Variants in LINGO2 observed in about 807,000 individuals in gnomAD.
LINGO2 encodes leucine rich repeat and Ig domain containing 2, also known as leucine-rich repeat and immunoglobulin-like domain-containing nogo receptor-interacting protein 2.
A neutral mutation model predicts 30.6 loss-of-function variants in LINGO2; 14 were observed. The ratio of observed to expected loss-of-function variants is 0.46; its 90% CI spans 0.30 to 0.72. The LOEUF is 0.72. LINGO2 is among the 30% of genes least tolerant of loss of function. The pLI is 0.07. For missense variants in LINGO2, 729 were observed against 751.7 expected, an observed-to-expected ratio of 0.97 and a Z score of 0.35; for synonymous variants, 317 against 288.5, an observed-to-expected ratio of 1.10 and a Z score of -1.00.
chr9:28,901,806 AC>A, the LINGO2 span, among the ~76,000 whole-genome samples: 1 of 152,106 alleles, frequency 6.6e-6, no homozygotes, highest in Non-Finnish European at 1.5e-5. Context: ...AAGTTACAGA[AC>A]AACCAGAAAA....
At chr9:28,979,884 C>T in the LINGO2 span, among the ~76,000 whole-genome samples, 6 of 151,850 alleles carry the variant, frequency 4.0e-5, no homozygotes, top group Non-Finnish European at 7.4e-5. Context: ...ATTATATTGC[C>T]GTTCAAATAA....
At chr9:28,436,496 C>T (rs961220211) in intron 2 of LINGO2, among the ~76,000 whole-genome samples, 2 of 151,662 alleles carry the variant, frequency 1.3e-5, no homozygotes, top group Non-Finnish European at 2.9e-5. Flanking sequence ...CTCGCTCTGT[C>T]GCCAAGGCTG....
chr9:28,035,750 G>A (rs1823900491), intron 4 of LINGO2, among the ~76,000 whole-genome samples: 1 of 152,176 alleles, frequency 6.6e-6, no homozygotes, highest in Non-Finnish European at 1.5e-5. Flanking sequence ...GTAGGGGTAT[G>A]TTGAATATAT....
the LINGO2 span, among the ~76,000 whole-genome samples, chr9:28,962,181 C>T: frequency 6.6e-6 from 1 of 152,008 alleles, no homozygotes; most frequent in Non-Finnish European, 1.5e-5. Flanking sequence ...AAAAGATTAG[C>T]CAATGTTTAC....
chr9:28,699,031 G>C, the LINGO2 span, among the ~76,000 whole-genome samples: 1 of 142,220 alleles, frequency 7.0e-6, no homozygotes, highest in African/African-American at 2.7e-5. Flanking sequence ...AAGAGAATGA[G>C]ACCCTGCCTC....
chr9:28,409,103 T>G (rs1822640977), intron 2 of LINGO2, among the ~76,000 whole-genome samples: 1 of 152,118 alleles, frequency 6.6e-6, no homozygotes, highest in South Asian at 2.1e-4. Flanking sequence ...ATCATTTTCA[T>G]GTAGGCATTA....
chr9:28,512,636 T>C (rs59181972), intron 1 of LINGO2, among the ~76,000 whole-genome samples: 23 of 6,160 alleles, frequency 3.7e-3, no homozygotes, highest in Non-Finnish European at 6.7e-3. Flanking sequence ...TATATATATA[T>C]ACACACATAC....
At chr9:27,973,306 G>C (rs1472502786) in intron 5 of LINGO2, among the ~76,000 whole-genome samples, 1 of 152,164 alleles carries the variant, frequency 6.6e-6, no homozygotes, top group Non-Finnish European at 1.5e-5. Flanking sequence ...CATCCTGGAA[G>C]AGTATAACAG....
the LINGO2 span, among the ~76,000 whole-genome samples, chr9:28,761,413 T>A: frequency 6.6e-6 from 1 of 151,706 alleles, no homozygotes; most frequent in Non-Finnish European, 1.5e-5. Context: ...AAACTCAACC[T>A]AATTCTTGTC....
the LINGO2 span, among the ~76,000 whole-genome samples, chr9:28,877,881 T>A: frequency 6.6e-6 from 1 of 152,216 alleles, no homozygotes; most frequent in Non-Finnish European, 1.5e-5. Flanking sequence ...TTCCTACCAA[T>A]GAGCATGGAA....
chr9:28,517,904 T>C (rs980750178), intron 1 of LINGO2, among the ~76,000 whole-genome samples: 6 of 152,228 alleles, frequency 3.9e-5, no homozygotes, highest in Non-Finnish European at 8.8e-5. Flanking sequence ...TGATTCACTC[T>C]GCTTCAGGGG....
intron 3 of LINGO2, among the ~76,000 whole-genome samples, chr9:28,307,182 A>T (rs1399443668): frequency 1.3e-5 from 2 of 152,236 alleles, no homozygotes; most frequent in Non-Finnish European, 2.9e-5. Flanking sequence ...AATCCTCAAT[A>T]AAATACTGGG....
the LINGO2 span, among the ~76,000 whole-genome samples, chr9:29,057,794 G>A: frequency 1.3e-5 from 2 of 152,084 alleles, no homozygotes; most frequent in Admixed American, 6.6e-5. Flanking sequence ...ACAACACCTT[G>A]AGCTTGCACA....
At chr9:28,725,324 A>T in the LINGO2 span, among the ~76,000 whole-genome samples, 2 of 151,992 alleles carry the variant, frequency 1.3e-5, no homozygotes, top group African/African-American at 4.8e-5. Flanking sequence ...AAAATATGTA[A>T]TTAATATTGA....
At chr9:28,813,018 T>C in the LINGO2 span, among the ~76,000 whole-genome samples, 1 of 149,808 alleles carries the variant, frequency 6.7e-6, no homozygotes, top group African/African-American at 2.5e-5. Flanking sequence ...ATAAACAGAG[T>C]CATAAGTAAC....
At chr9:29,190,327 G>T in the LINGO2 span, among the ~76,000 whole-genome samples, 11 of 152,026 alleles carry the variant, frequency 7.2e-5, no homozygotes, top group African/African-American at 2.7e-4. Flanking sequence ...AGTAATTACT[G>T]TAAATTACTT....
the LINGO2 span, among the ~76,000 whole-genome samples, chr9:29,016,648 A>G: frequency 7.2e-5 from 11 of 152,282 alleles, no homozygotes; most frequent in African/African-American, 1.9e-4. Flanking sequence ...CATTAACCCA[A>G]ACTTTCACAC....
At chr9:28,988,816 T>C in the LINGO2 span, among the ~76,000 whole-genome samples, 1 of 152,362 alleles carries the variant, frequency 6.6e-6, no homozygotes, top group Non-Finnish European at 1.5e-5. Flanking sequence ...ACAGTTGAAG[T>C]GACACCATTC....
chr9:28,232,492 A>C lies in LINGO2; in HGVS notation c.-87+62716T>G, dbSNP rs570591808. On this transcript the variant is annotated intron_variant, in intron 4 of 5. Coordinates refer to ENST00000379992, the Ensembl canonical transcript of LINGO2. ...AGAGCTTATTAAGGTAAAACTGTCG[A>C]AGTTAGATATATTTACTGTATACAA... 8.5e-4 allele frequency among the ~76,000 whole-genome samples: 129 copies of C among 151,838 alleles called. 3 individuals are homozygous for C. The highest frequency in any genetic ancestry group is 2.5e-3 in the South Asian group (12 of 4,826).
Sources: allele counts gnomAD v4.1 joint callset (sites outside exome capture counted in the v4.1 genomes callset), GRCh38; gene constraint gnomAD v4.1.1; transcripts MANE v1.5; gene names NCBI Gene and HGNC (gene_info 2026-07-23, HGNC 2026-07-21).